The following DRC8 variants were observed in gnomAD, a reference collection of about 807,000 sequenced individuals.
DRC8 encodes the protein dynein regulatory complex protein 8.
chr1:245,002,362 A>G, the DRC8 span: 19 of 714,392 alleles, frequency 2.7e-5, no homozygotes, highest in Admixed American at 1.7e-4. Context: ...TCCCTACTCT[A>G]TAAATCTTCA....
the DRC8 span, among the ~76,000 whole-genome samples, chr1:245,033,894 T>C: frequency 6.6e-6 from 1 of 152,008 alleles, no homozygotes; most frequent in Non-Finnish European, 1.5e-5. Context: ...GCTAATTTTT[T>C]ATTTTTAGTA....
At chr1:245,107,233 G>A in the DRC8 span, 1 of 151,948 alleles carries the variant, frequency 6.6e-6, no homozygotes, top group African/African-American at 2.4e-5. Context: ...AGGTCGAGTG[G>A]GCAGGCGTGA....
the DRC8 span, among the ~76,000 whole-genome samples, chr1:245,104,509 AAAAAAAAAAG>A: frequency 6.6e-6 from 1 of 151,828 alleles, no homozygotes; most frequent in Non-Finnish European, 1.5e-5. Flanking sequence ...GTCATAAAAA[AAAAAAAAAAG>A]AAAAGAAAAA....
At chr1:245,032,986 A>G in the DRC8 span, among the ~76,000 whole-genome samples, 2 of 152,054 alleles carry the variant, frequency 1.3e-5, no homozygotes, top group African/African-American at 4.8e-5. Context: ...CAGGATTAAA[A>G]AAAAAAAAAC....
the DRC8 span, among the ~76,000 whole-genome samples, chr1:245,045,344 T>A: frequency 6.6e-6 from 1 of 152,186 alleles, no homozygotes; most frequent in African/African-American, 2.4e-5. Flanking sequence ...GTTGTCCAGG[T>A]TCTTGGCATT....
the DRC8 span, among the ~76,000 whole-genome samples, chr1:245,045,846 A>C: frequency 6.6e-6 from 1 of 152,226 alleles, no homozygotes; most frequent in Admixed American, 6.5e-5. Flanking sequence ...CTCAACCCGC[A>C]GTCAGTCTGG....
the DRC8 span, chr1:244,970,132 C>T: frequency 2.9e-6 from 2 of 681,106 alleles, no homozygotes; most frequent in Non-Finnish European, 5.3e-6. Flanking sequence ...CATGCTAGGC[C>T]CGGGACAAGT....
chr1:245,098,165 G>T, the DRC8 span, among the ~76,000 whole-genome samples: 1 of 152,188 alleles, frequency 6.6e-6, no homozygotes, highest in Non-Finnish European at 1.5e-5. Context: ...AAGACACCAA[G>T]AATGATCACA....
chr1:245,059,331 C>T, the DRC8 span: 12 of 1,254,240 alleles, frequency 9.6e-6, no homozygotes, highest in Admixed American at 8.8e-5. Flanking sequence ...TTTGGAGAAA[C>T]CTGGCCTTTT....
At chr1:245,081,625 C>T in the DRC8 span, among the ~76,000 whole-genome samples, 3 of 151,964 alleles carry the variant, frequency 2.0e-5, no homozygotes, top group African/African-American at 4.8e-5. Flanking sequence ...TGCGCCACTA[C>T]GCCCATATAA....
chr1:245,014,945 C>A, the DRC8 span, among the ~76,000 whole-genome samples: 1 of 152,100 alleles, frequency 6.6e-6, no homozygotes, highest in Non-Finnish European at 1.5e-5. Context: ...GAAGAAAATA[C>A]AGCAAAATGA....
the DRC8 span, chr1:245,083,672 G>A: frequency 1.2e-6 from 2 of 1,609,998 alleles, no homozygotes; most frequent in Non-Finnish European, 1.7e-6. Flanking sequence ...AGCTGATCAA[G>A]TATATGACTG....
the DRC8 span, chr1:244,970,743 GCCCTCTTCACCCTCTTC>G: frequency 2.2e-6 from 1 of 455,478 alleles, no homozygotes; most frequent in Non-Finnish European, 3.8e-6. Context: ...TTCTCCTCCC[GCCCTCTTCACCCTCTTC>G]CCCTCCTCCC....
At chr1:245,104,769 A>G in the DRC8 span, among the ~76,000 whole-genome samples, 4 of 152,214 alleles carry the variant, frequency 2.6e-5, no homozygotes, top group Non-Finnish European at 4.4e-5. Flanking sequence ...CCATTAAACC[A>G]CGATCATATC....
the DRC8 span, among the ~76,000 whole-genome samples, chr1:245,072,695 C>T: frequency 7.2e-5 from 11 of 152,308 alleles, no homozygotes; most frequent in East Asian, 5.8e-4. Context: ...ATGTAATCCT[C>T]GGTGTCAGAG....
chr1:245,090,288 G>A, the DRC8 span, among the ~76,000 whole-genome samples: 1 of 152,224 alleles, frequency 6.6e-6, no homozygotes, highest in Non-Finnish European at 1.5e-5. Flanking sequence ...AAAAGGGCAA[G>A]TGGCTGGTGT....
the DRC8 span, among the ~76,000 whole-genome samples, chr1:245,102,823 A>G: frequency 6.6e-6 from 1 of 152,264 alleles, no homozygotes; most frequent in Admixed American, 6.5e-5. Flanking sequence ...TCTTCCTCAT[A>G]AGGGAAAGAA....
At chr1:244,997,360 C>T in the DRC8 span, among the ~76,000 whole-genome samples, 1 of 152,176 alleles carries the variant, frequency 6.6e-6, no homozygotes, top group African/African-American at 2.4e-5. Flanking sequence ...TCCTGGCTTT[C>T]CTGCTAGAAT....
the DRC8 span, among the ~76,000 whole-genome samples, chr1:244,980,567 T>C: frequency 8.8e-4 from 134 of 152,238 alleles, 3 homozygotes; most frequent in East Asian, 0.024. Context: ...GGAGATAGGC[T>C]AGAGGAAATG....
Sources: gnomAD v4.1 joint callset for allele counts (sites outside exome capture counted in the v4.1 genomes callset) on GRCh38, gnomAD v4.1.1 for gene constraint, MANE v1.5 for transcripts, NCBI Gene and HGNC (gene_info 2026-07-23, HGNC 2026-07-21) for gene names.